Variants in LMBRD2 observed in about 807,000 individuals in gnomAD.
LMBRD2 encodes LMBR1 domain containing 2, also known as G protein-coupled receptor-associated protein LMBRD2.
In LMBRD2, 55 loss-of-function variants were observed where a neutral mutation model predicts 94.4. The observed-to-expected ratio is 0.58, with a 90% CI of 0.47 to 0.73. The LOEUF (loss-of-function observed/expected upper bound fraction) is 0.73. Among genes scored for constraint, LMBRD2 ranks in the 30% least tolerant of loss-of-function variants. The pLI, the probability that LMBRD2 is intolerant of heterozygous loss-of-function variation, is 0.00. For synonymous variants in LMBRD2, 246 were observed against 272.4 expected (o/e 0.90, Z 0.95); for missense variants, 640 against 831.9 (o/e 0.77, Z 2.84).
rs1395692119 is a variant in LMBRD2, at chr5:36,103,930, T to G, written c.*116A>C. 9 of 675,550 alleles carry G rather than the reference T, an allele frequency of 1.3e-5. No individual in the cohort carries two copies. The highest frequency in any genetic ancestry group is 1.8e-5 in the Non-Finnish European group (7 of 383,280). 41.8% of individuals were successfully genotyped at this position (675,550 alleles called of 1,614,324 possible). On this transcript the variant is annotated 3_prime_UTR_variant, in exon 18 of 18. Transcript: ENST00000296603. ...ATATAATTAATTCTCAGTGCCTTTT[T>G]TGTTATCTTGACACTTTTCACTGTG... is the stretch of plus-strand genomic sequence containing the variant.
At chr5:36,137,236 A>G in intron 5 of LMBRD2, 38 bp downstream of exon 5, 2 of 1,347,130 alleles carry the variant, frequency 1.5e-6, no homozygotes, top group Non-Finnish European at 2.0e-6. Context: ...AAATGCAAAC[A>G]TACATTAAAG....
intron 7 of LMBRD2, among the ~76,000 whole-genome samples, chr5:36,123,369 C>T (rs1743931333): frequency 6.6e-6 from 1 of 152,092 alleles, no homozygotes; most frequent in Non-Finnish European, 1.5e-5. Context: ...TAAATACATG[C>T]ATTTAAAGTC....
intron 6 of LMBRD2, among the ~76,000 whole-genome samples, chr5:36,126,601 T>C (rs970788629): frequency 1.3e-5 from 2 of 152,232 alleles, no homozygotes; most frequent in African/African-American, 4.8e-5. Context: ...AGAAAAATGA[T>C]AAAAGGTAGA....
At chr5:36,114,870 A>ATT in intron 12 of LMBRD2, 145 bp downstream of exon 12, 1 of 622,530 alleles carries the variant, frequency 1.6e-6, no homozygotes, top group Non-Finnish European at 2.8e-6. Context: ...TTATCTAGTC[A>ATT]ATAGTAATAC....
At chr5:36,130,425 C>T (rs1191054982) in intron 6 of LMBRD2, among the ~76,000 whole-genome samples, 1 of 151,768 alleles carries the variant, frequency 6.6e-6, no homozygotes, top group Admixed American at 6.6e-5. Context: ...AAAAAGCATA[C>T]AACAGATACA....
intron 1 of LMBRD2, among the ~76,000 whole-genome samples, chr5:36,148,674 A>C (rs915118813): frequency 6.6e-6 from 1 of 152,224 alleles, no homozygotes; most frequent in African/African-American, 2.4e-5. Flanking sequence ...TAACAGAAAA[A>C]AAACAGTGCA....
intron 9 of LMBRD2, among the ~76,000 whole-genome samples, chr5:36,120,374 C>T (rs997800848): frequency 2.0e-5 from 3 of 152,158 alleles, no homozygotes; most frequent in African/African-American, 7.2e-5. Context: ...GATTCTCCTG[C>T]CTCAGCCTCC....
At chr5:36,127,561 A>T (rs1201183037) in intron 6 of LMBRD2, among the ~76,000 whole-genome samples, 1 of 152,218 alleles carries the variant, frequency 6.6e-6, no homozygotes, top group Non-Finnish European at 1.5e-5. Flanking sequence ...AGTCCCAGGC[A>T]TGGCAGCATT....
intron 2 of LMBRD2, chr5:36,142,882 G>A (rs566866677): frequency 1.3e-4 from 48 of 373,260 alleles, no homozygotes; most frequent in Non-Finnish European, 2.2e-4. Context: ...CCGCCACCAC[G>A]TCCGGCTATT....
At chr5:36,145,260 C>T (rs1195563680) in intron 1 of LMBRD2, among the ~76,000 whole-genome samples, 1 of 152,302 alleles carries the variant, frequency 6.6e-6, no homozygotes, top group Admixed American at 6.5e-5. Flanking sequence ...ATGTAAAACT[C>T]GTGTAATGGT....
At chr5:36,104,611 C>T (rs942098470) in intron 17 of LMBRD2, among the ~76,000 whole-genome samples, 1 of 151,960 alleles carries the variant, frequency 6.6e-6, no homozygotes, top group Admixed American at 6.6e-5. Flanking sequence ...CTTTACTGAG[C>T]CTCTCTGGAT....
chr5:36,127,410 C>CA (rs1440222444), intron 6 of LMBRD2, among the ~76,000 whole-genome samples: 1 of 152,052 alleles, frequency 6.6e-6, no homozygotes, highest in Admixed American at 6.6e-5. Context: ...TCATAAAAAC[C>CA]AAAAAACAAG....
At chr5:36,122,786 C>G (rs1435851053) in intron 8 of LMBRD2, 62 bp downstream of exon 8, 1 of 1,512,680 alleles carries the variant, frequency 6.6e-7, no homozygotes, top group African/African-American at 1.5e-5. Flanking sequence ...TTTTTATGAG[C>G]AATGATTAGA....
Position 36,142,557 on chromosome 5 carries a change from G to C in LMBRD2, c.217C>G (p.Pro73Ala), listed in dbSNP as rs1334714153. The C allele has an allele frequency of 1.2e-6, 2 of 1,611,838 alleles. No homozygotes were observed. Among genetic ancestry groups the C allele is most frequent in the East Asian group, 4.5e-5 (2 of 44,854 alleles). The change falls in exon 3 of 18, where the codon CCT becomes GCT. Residue 73 changes from proline to alanine, a missense_variant. Physicochemically the swap from Pro to Ala is conservative, Grantham distance 27 (BLOSUM62 -1). This residue lies in a region of LMBRD2 where 457 missense variants were observed against 642.8 expected (regional missense o/e 0.71). Transcript: ENST00000296603. ...RCKHAAANSS[P>A]PENSNITGLY... ...CCTGTAATGTTGCTATTCTCAGGAG[G>C]GCTTGAATTTGCAGCAGCATGCTTG...
rs528623702 is a variant in LMBRD2 at position 36,131,572 on chromosome 5, C to T, written c.747+4737G>A. Among the ~76,000 whole-genome samples, 3 of 152,152 alleles carry T rather than the reference C, an allele frequency of 2.0e-5. No individual in the cohort carries two copies. In the South Asian group the frequency reaches 6.2e-4, roughly 32 times the overall value. Reference sequence around the variant, plus strand: ...TCCTGTTTTCAGGTGATAAATCTCACATTTGGAAAAACCTAAAAACTCCAC... The same window carrying T: ...TCCTGTTTTCAGGTGATAAATCTCATATTTGGAAAAACCTAAAAACTCCAC... On this transcript the variant is annotated intron_variant, in intron 6 of 17. Transcript: ENST00000296603.
At chr5:36,115,265 T>C (rs1285681549) in intron 11 of LMBRD2, 145 bp from the exon 12 acceptor site, 2 of 514,584 alleles carry the variant, frequency 3.9e-6, no homozygotes, top group Non-Finnish European at 6.8e-6. Context: ...GAATTCTTAA[T>C]GTGACCTGCC....
chr5:36,119,229 C>T (rs1018109853), intron 9 of LMBRD2, among the ~76,000 whole-genome samples: 3 of 152,058 alleles, frequency 2.0e-5, no homozygotes, highest in Non-Finnish European at 4.4e-5. Flanking sequence ...TGAACTTTCC[C>T]TCCACCCTAC....
At chr5:36,114,320 A>G (rs1743687660) in intron 13 of LMBRD2, 104 bp downstream of exon 13, 11 of 1,373,350 alleles carry the variant, frequency 8.0e-6, no homozygotes, top group Non-Finnish European at 1.1e-5. Flanking sequence ...CCAAAGCTAC[A>G]ATGAAACAAA....
At chr5:36,111,957 A>C (rs1743618593) in intron 13 of LMBRD2, among the ~76,000 whole-genome samples, 1 of 152,090 alleles carries the variant, frequency 6.6e-6, no homozygotes, top group African/African-American at 2.4e-5. Context: ...AGAAAATAAA[A>C]ACCAAGCAGC....
Sources: allele counts gnomAD v4.1 joint callset (sites outside exome capture counted in the v4.1 genomes callset), GRCh38; gene constraint gnomAD v4.1.1; regional missense constraint gnomAD v4.1.1; transcripts MANE v1.5; gene names NCBI Gene and HGNC (gene_info 2026-07-23, HGNC 2026-07-21).